The following TMCO5A variants were observed in gnomAD, a reference collection of about 807,000 sequenced individuals.
TMCO5A encodes the protein transmembrane and coiled-coil domain-containing protein 5A.
TMCO5A carries 34 observed loss-of-function variants against 42.3 expected under a neutral mutation model. The observed-to-expected ratio is 0.80, with a 90% CI of 0.61 to 1.07. The LOEUF (loss-of-function observed/expected upper bound fraction) is 1.07, where lower values mean the gene tolerates loss of function less well. TMCO5A is among the 50% of genes least tolerant of loss of function. The probability of loss-of-function intolerance (pLI) is 0.00; values close to 1 mark genes in which losing one functional copy is unlikely to be tolerated. For missense variants in TMCO5A, 357 were observed against 327.9 expected (o/e 1.09, Z -0.69); for synonymous variants, 131 against 115.6 (o/e 1.13, Z -0.86).
chr15:37,942,482 C>A, intron 9 of TMCO5A: 2 of 484,064 alleles, frequency 4.1e-6, no homozygotes, highest in Middle Eastern at 5.5e-4. Flanking sequence ...CATCTCCCTT[C>A]GTAATGTTAT....
rs148300959 is a variant in TMCO5A at position 37,959,149 on chromosome 15, G to A, written c.669-7476G>A. On this transcript the variant is annotated intron_variant, in intron 11 of 11. Transcript: ENST00000559502. ...GGGGTTAGGGGAGGGATAGCATTAG[G>A]AGAAATACCTAATGTAGATTATGGG... Among the ~76,000 whole-genome samples the A allele has an allele frequency of 4.6e-5, 7 of 152,058 alleles. No individual in the cohort carries two copies. The East Asian group carries it at 1.4e-3, about 29-fold the overall frequency.
In TMCO5A at chr15:37,951,208, G is replaced by A. The variant is rs1367829031; in HGVS notation, c.841G>A (p.Glu281Lys). 6.2e-6 allele frequency: 10 copies of A among 1,613,716 alleles called. No homozygotes were observed. The highest frequency in any genetic ancestry group is 8.5e-6 in the Non-Finnish European group (10 of 1,179,828). Residue 281 changes from glutamate to lysine, a missense_variant, in exon 12 of 12, where the codon GAG becomes AAG. By Grantham distance (56) the Glu-to-Lys change is moderately conservative. Coordinates refer to ENST00000319669, the MANE Select transcript of TMCO5A (RefSeq NM_152453.4). Reference sequence around the variant, plus strand: ...CTTCTTCTTTCCATCTCTCACACTTGAGACAGAGGACATGTTACCCCACTG... The same window carrying A: ...CTTCTTCTTTCCATCTCTCACACTTAAGACAGAGGACATGTTACCCCACTG... ...RCFFFPSLTL[E>K]TEDMLPH
chr15:37,937,525 C>T (rs1566913844), intron 5 of TMCO5A, 129 bp downstream of exon 5: 1 of 892,624 alleles, frequency 1.1e-6, no homozygotes, highest in Non-Finnish European at 1.7e-6. Flanking sequence ...GTGCATATTA[C>T]TCTCTAATCC....
intron 4 of TMCO5A, 32 bp downstream of exon 4, chr15:37,937,002 AG>A: frequency 6.2e-7 from 1 of 1,610,040 alleles, no homozygotes; most frequent in African/African-American, 1.3e-5. Flanking sequence ...GCCATTTAAT[AG>A]GTTGCATTCC....
At chr15:37,982,822 A>ATG in the TMCO5A span, among the ~76,000 whole-genome samples, 3 of 147,856 alleles carry the variant, frequency 2.0e-5, no homozygotes. Context: ...TCATATATAT[A>ATG]TGTGTGTGTA....
intron 5 of TMCO5A, among the ~76,000 whole-genome samples, chr15:37,937,932 TC>T (rs1179369742): frequency 2.6e-4 from 40 of 152,168 alleles, no homozygotes. Flanking sequence ...AATTAGGGGT[TC>T]AGGAAAGTAC....
the TMCO5A span, among the ~76,000 whole-genome samples, chr15:38,004,191 G>C: frequency 6.6e-6 from 1 of 152,060 alleles, no homozygotes; most frequent in Non-Finnish European, 1.5e-5. Context: ...AGTGTGTCTA[G>C]AAATGTCATC....
chr15:38,004,538 A>G, the TMCO5A span, among the ~76,000 whole-genome samples: 2 of 152,182 alleles, frequency 1.3e-5, no homozygotes, highest in Non-Finnish European at 2.9e-5. Context: ...GGTGCTGGTG[A>G]AGCTTGTTGG....
the TMCO5A span, among the ~76,000 whole-genome samples, chr15:37,978,326 A>G: frequency 6.6e-6 from 1 of 152,226 alleles, no homozygotes; most frequent in Non-Finnish European, 1.5e-5. Flanking sequence ...AAACTGCTGC[A>G]GTGGCAATGG....
chr15:38,027,229 C>T, the TMCO5A span, among the ~76,000 whole-genome samples: 1 of 152,132 alleles, frequency 6.6e-6, no homozygotes, highest in Admixed American at 6.6e-5. Flanking sequence ...GGAGGCTATA[C>T]CCTGCAAAAC....
chr15:37,960,180 C>T (rs1390099889), intron 11 of TMCO5A, among the ~76,000 whole-genome samples: 1 of 151,782 alleles, frequency 6.6e-6, no homozygotes, highest in Non-Finnish European at 1.5e-5. Flanking sequence ...TTGTCCCTCA[C>T]CCCCTACCAC....
chr15:38,020,025 C>T, the TMCO5A span, among the ~76,000 whole-genome samples: 2 of 151,572 alleles, frequency 1.3e-5, no homozygotes, highest in Admixed American at 6.6e-5. Context: ...CAGGACCTTG[C>T]TCTGTCACCC....
At chr15:37,976,044 G>A in the TMCO5A span, among the ~76,000 whole-genome samples, 68 of 148,302 alleles carry the variant, frequency 4.6e-4, 4 homozygotes, top group African/African-American at 1.6e-3. Flanking sequence ...AGGAGTTTGC[G>A]ACTAGCCTGG....
chr15:37,938,916 T>G (rs1157971632), intron 6 of TMCO5A, among the ~76,000 whole-genome samples: 1 of 152,142 alleles, frequency 6.6e-6, no homozygotes, highest in Non-Finnish European at 1.5e-5. Flanking sequence ...AAATTTCTTG[T>G]GTATACTCAT....
the TMCO5A span, among the ~76,000 whole-genome samples, chr15:37,993,907 T>G: frequency 1.3e-5 from 2 of 152,154 alleles, no homozygotes; most frequent in Non-Finnish European, 2.9e-5. Flanking sequence ...TCATCCAAAC[T>G]TTCCCCTGGA....
At chr15:37,966,913 T>G in exon 12 of TMCO5A, 1 of 495,342 alleles carries the variant, frequency 2.0e-6, no homozygotes, top group Non-Finnish European at 3.6e-6. Context: ...TGACCTAAAC[T>G]ATATGAAATG....
At chr15:37,978,954 A>G in the TMCO5A span, among the ~76,000 whole-genome samples, 1 of 151,566 alleles carries the variant, frequency 6.6e-6, no homozygotes, top group East Asian at 2.0e-4. Context: ...GCATTGCCAC[A>G]CACTTTTTAA....
chr15:37,936,085 A>C (rs1003006138), intron 2 of TMCO5A: 3 of 375,984 alleles, frequency 8.0e-6, no homozygotes, highest in Non-Finnish European at 1.4e-5. Flanking sequence ...TGTTAGATTG[A>C]GCACTTTGGA....
At chr15:37,978,556 G>A in the TMCO5A span, among the ~76,000 whole-genome samples, 1 of 152,108 alleles carries the variant, frequency 6.6e-6, no homozygotes, top group Non-Finnish European at 1.5e-5. Flanking sequence ...ATGTGACCAG[G>A]CCCTTTGTTC....
Sources: gnomAD v4.1 joint callset for allele counts (sites outside exome capture counted in the v4.1 genomes callset) on GRCh38, gnomAD v4.1.1 for gene constraint, MANE v1.5 for transcripts, NCBI Gene and HGNC (gene_info 2026-07-23, HGNC 2026-07-21) for gene names.